The following PCNX2 variants were observed in gnomAD, a reference collection of about 807,000 sequenced individuals.
PCNX2 encodes the protein pecanex-like protein 2.
A neutral mutation model predicts 223.8 loss-of-function variants in PCNX2; 168 were observed. That is an observed-to-expected ratio of 0.75 (90% CI 0.66 to 0.85). The LOEUF (loss-of-function observed/expected upper bound fraction) is 0.85. PCNX2 is among the 40% of genes least tolerant of loss of function. The probability of loss-of-function intolerance (pLI) is 0.00; values close to 1 mark genes in which losing one functional copy is unlikely to be tolerated. For missense variants in PCNX2, 2,507 were observed against 2,675.5 expected (o/e 0.94, Z 1.39); for synonymous variants, 1,006 against 1,052.6 (o/e 0.96, Z 0.86).
At chr1:232,985,917 G>T in intron 33 of PCNX2, 175 bp downstream of exon 33, 2 of 707,054 alleles carry the variant, frequency 2.8e-6, no homozygotes, top group Non-Finnish European at 4.9e-6. Context: ...GCTTTCAAGA[G>T]CAGCTAAGCC....
intron 19 of PCNX2, among the ~76,000 whole-genome samples, chr1:233,143,841 C>T (rs1677268428): frequency 6.6e-6 from 1 of 152,130 alleles, no homozygotes; most frequent in African/African-American, 2.4e-5. Flanking sequence ...GTATTCTAAT[C>T]CTTCTTATCT....
Position 232,999,159 on chromosome 1 carries a change from C to A in PCNX2, c.5549G>T (p.Gly1850Val), listed in dbSNP as rs756948284. 6.2e-7 allele frequency: 1 copy of A among 1,613,924 alleles called. No homozygotes were observed. Among genetic ancestry groups the A allele is most frequent in the South Asian group, 1.1e-5 (1 of 91,056 alleles). The change falls in exon 31 of 34, where the codon GGT (glycine) becomes GTT (valine). Residue 1850 changes from glycine (G) to valine (V), a missense_variant. Gly to Val is a moderately radical substitution (Grantham distance 109). Around this residue, in one of 3 missense-constraint regions of PCNX2, gnomAD observed 1,372 missense variants for 1,509.4 expected, o/e 0.91. Transcript: ENST00000258229. ...AATTCTGTCCAAAGTGATGGGTCCA[C>A]CCCAGATGTTCTTCAGCTGCCTGTG... ...GTHRQLKNIW[G>V]GPITLDRIRT...
At chr1:233,028,760 T>G (rs1046509696) in intron 25 of PCNX2, among the ~76,000 whole-genome samples, 1 of 152,142 alleles carries the variant, frequency 6.6e-6, no homozygotes, top group African/African-American at 2.4e-5. Flanking sequence ...TGTGGTTATT[T>G]ATAGGACTGG....
In PCNX2 at chr1:233,261,301, A is replaced by T. The variant is rs1219544762; in HGVS notation, c.501T>A (p.Thr167=). The change falls in exon 4 of 34, where the codon ACT becomes ACA. Residue 167 remains threonine, a synonymous_variant. Transcript: ENST00000258229. The part of the protein sequence containing the change: ...SGPLELSAQE[T]VEDLKGVILL... Reference sequence around the variant, plus strand: ...ACAGTTTACCTTTGAGATCTTCTACAGTTTCCTGTGCTGACAACTCCTACA... The same window carrying T: ...ACAGTTTACCTTTGAGATCTTCTACTGTTTCCTGTGCTGACAACTCCTACA... The T allele has an allele frequency of 1.2e-6, 2 of 1,612,544 alleles. No homozygotes were observed. The highest frequency in any genetic ancestry group is 1.7e-5 in the Admixed American group (1 of 60,010).
the PCNX2 span, among the ~76,000 whole-genome samples, chr1:233,304,578 A>C: frequency 6.6e-6 from 1 of 152,200 alleles, no homozygotes; most frequent in Non-Finnish European, 1.5e-5. Flanking sequence ...GTGAAATAGA[A>C]AATGCCAGTT....
At chr1:233,134,006 G>A (rs1676661136) in intron 21 of PCNX2, among the ~76,000 whole-genome samples, 1 of 152,116 alleles carries the variant, frequency 6.6e-6, no homozygotes, top group Admixed American at 6.5e-5. Context: ...GCAGTAGAAG[G>A]AAGAGGTAAG....
chr1:233,042,747 G>GTA (rs945831759), intron 25 of PCNX2, among the ~76,000 whole-genome samples: 9 of 152,294 alleles, frequency 5.9e-5, no homozygotes, highest in African/African-American at 2.2e-4. Flanking sequence ...GTGATGCTCT[G>GTA]TATATTCTGA....
At chr1:233,299,728 T>C (rs1479751530), upstream of PCNX2, among the ~76,000 whole-genome samples, 1 of 152,160 alleles carries the variant, frequency 6.6e-6, no homozygotes, top group East Asian at 1.9e-4. Flanking sequence ...AATACTCTGG[T>C]TTCTTCTCTT....
chr1:233,154,281 C>T (rs1326974343), intron 19 of PCNX2, among the ~76,000 whole-genome samples: 4 of 151,928 alleles, frequency 2.6e-5, no homozygotes, highest in East Asian at 1.9e-4. Context: ...AGGGTTTCAC[C>T]GTGTTAGCCA....
At chr1:233,183,649 C>T (rs1436661058) in intron 15 of PCNX2, among the ~76,000 whole-genome samples, 3 of 152,182 alleles carry the variant, frequency 2.0e-5, no homozygotes, top group African/African-American at 7.2e-5. Context: ...ACGCATCAAA[C>T]ATTCATTCAT....
chr1:233,323,290 T>C, the PCNX2 span, among the ~76,000 whole-genome samples: 1 of 152,364 alleles, frequency 6.6e-6, no homozygotes, highest in East Asian at 1.9e-4. Context: ...GTTAATGTTT[T>C]TTTGTGTACT....
intron 28 of PCNX2, among the ~76,000 whole-genome samples, chr1:233,010,012 T>G (rs1412303830): frequency 6.6e-6 from 1 of 152,244 alleles, no homozygotes; most frequent in African/African-American, 2.4e-5. Flanking sequence ...ATTGTGATTT[T>G]AGCTTGATAA....
intron 26 of PCNX2, chr1:233,018,887 T>C: frequency 1.0e-6 from 1 of 985,420 alleles, no homozygotes; most frequent in Non-Finnish European, 1.2e-6. Flanking sequence ...AACATATTCT[T>C]TTTAAGTGAG....
chr1:233,026,998 A>G (rs567011703), intron 25 of PCNX2, among the ~76,000 whole-genome samples: 5 of 152,288 alleles, frequency 3.3e-5, no homozygotes, highest in South Asian at 2.1e-4. Flanking sequence ...GAGTGTACAG[A>G]GAGTATGGAG....
At chr1:233,105,069 C>T (rs1674689434) in intron 21 of PCNX2, among the ~76,000 whole-genome samples, 1 of 152,026 alleles carries the variant, frequency 6.6e-6, no homozygotes, top group Non-Finnish European at 1.5e-5. Flanking sequence ...CTTCACAGTC[C>T]ATATTGGCAG....
chr1:233,255,439 G>A (rs1191767500), intron 5 of PCNX2, among the ~76,000 whole-genome samples: 3 of 152,116 alleles, frequency 2.0e-5, no homozygotes, highest in East Asian at 1.9e-4. Context: ...GAACCCAAGC[G>A]ATGACCGCTG....
In PCNX2 at chr1:232,998,380, C is replaced by G; in HGVS notation, c.5662G>C (p.Gly1888Arg). The G allele has an allele frequency of 6.2e-7, 1 of 1,613,154 alleles. No homozygotes were observed. The highest frequency in any genetic ancestry group is 8.5e-7 in the Non-Finnish European group (1 of 1,179,660). Reference protein sequence around the residue: ...HSGGNIEDVDGGGAPTTGGNN... With the variant: ...HSGGNIEDVDRGGAPTTGGNN... Reference sequence around the variant, plus strand: ...CCACCTGTCGTCGGGGCCCCTCCTCCGTCCACGTCTTCAATGTTGCCGCCA... The same window carrying G: ...CCACCTGTCGTCGGGGCCCCTCCTCGGTCCACGTCTTCAATGTTGCCGCCA... The change falls in exon 32 of 34, where the codon GGA (glycine) becomes CGA (arginine). Residue 1888 changes from glycine (G) to arginine (R), a missense_variant. By Grantham distance (125) the Gly-to-Arg change is moderately radical. This residue lies in a region of PCNX2 where 1,372 missense variants were observed against 1,509.4 expected (regional missense o/e 0.91). Coordinates refer to ENST00000258229, the MANE Select transcript of PCNX2 (RefSeq NM_014801.4).
chr1:233,206,007 A>T (rs1194650996), intron 13 of PCNX2, among the ~76,000 whole-genome samples: 1 of 152,152 alleles, frequency 6.6e-6, no homozygotes, highest in East Asian at 1.9e-4. Flanking sequence ...CAGCATAATG[A>T]AGGACGGGGG....
intron 12 of PCNX2, among the ~76,000 whole-genome samples, chr1:233,214,104 G>A (rs1290244502): frequency 6.6e-6 from 1 of 151,898 alleles, no homozygotes; most frequent in African/African-American, 2.4e-5. Context: ...TGGGATTACA[G>A]GCATGAGCCA....
Sources: gnomAD v4.1 joint callset for allele counts (sites outside exome capture counted in the v4.1 genomes callset) on GRCh38, gnomAD v4.1.1 for gene constraint, gnomAD v4.1.1 regional missense constraint, MANE v1.5 for transcripts, NCBI Gene and HGNC (gene_info 2026-07-23, HGNC 2026-07-21) for gene names.